DMKN: variants seen among roughly 807,000 people sequenced by gnomAD.
DMKN encodes the protein dermokine.
DMKN carries 58 observed loss-of-function variants against 67.6 expected under a neutral mutation model. That is an observed-to-expected ratio of 0.86 (90% CI 0.69 to 1.07). The LOEUF (loss-of-function observed/expected upper bound fraction) is 1.07, where lower values mean the gene tolerates loss of function less well. Ranked by LOEUF, DMKN falls within the 50% of genes least tolerant of loss-of-function variation. The pLI is 0.00. For synonymous variants in DMKN, 240 were observed against 232.3 expected, an observed-to-expected ratio of 1.03 and a Z score of -0.30; for missense variants, 596 against 601.5, an observed-to-expected ratio of 0.99 and a Z score of 0.10.
In DMKN at chr19:35,511,456, G is replaced by A. The variant is rs1568635841; in HGVS notation, c.873C>T (p.Gly291=). ...SSGGSSGGSS[G]NSGGSRGDSG... is the part of the protein sequence containing the mutation. ...TGTCACCTCTGCTGCCACCACTGTT[G>A]CCACTGCTGCCACCACTGCTGCCGC... The change falls in exon 5 of 16, where the codon GGC becomes GGT. Residue 291 remains glycine (G), a synonymous_variant. Transcript: ENST00000339686. The A allele has an allele frequency of 6.4e-7, 1 of 1,554,776 alleles. No individual in the cohort carries two copies. The highest frequency in any genetic ancestry group is 8.6e-7 in the Non-Finnish European group (1 of 1,159,776).
At chr19:35,510,487 G>A in intron 5 of DMKN, 2 of 1,550,906 alleles carry the variant, frequency 1.3e-6, no homozygotes, top group Non-Finnish European at 1.7e-6. Flanking sequence ...GAGAACCTGA[G>A]CTGCTGCCCA....
At chr19:35,502,350 ATGG>A (rs1411174449) in intron 10 of DMKN, among the ~76,000 whole-genome samples, 167 bp from the exon 11 acceptor site, 2 of 151,954 alleles carry the variant, frequency 1.3e-5, no homozygotes, top group African/African-American at 4.8e-5. Flanking sequence ...AGCACTTGAG[ATGG>A]TATTGGTGAT....
chr19:35,502,241 T>C, intron 10 of DMKN, 58 bp from the exon 11 acceptor site: 5 of 1,567,284 alleles, frequency 3.2e-6, no homozygotes, highest in African/African-American at 1.4e-5. Flanking sequence ...GGGTGGTCTA[T>C]GCAGCAAATT....
chr19:35,501,793 C>T, intron 11 of DMKN: 1 of 1,543,566 alleles, frequency 6.5e-7, no homozygotes, highest in Non-Finnish European at 8.8e-7. Context: ...AATACGATCT[C>T]CCCGCACCTG....
rs2070040661 is a variant in DMKN at position 35,508,500 on chromosome 19, C to T, written c.1038+1411G>A. On this transcript the variant is annotated intron_variant, in intron 7 of 15. Transcript: ENST00000339686. Reference sequence around the variant, plus strand: ...GCTACCATAAATAAAGCAGTCCTGTCCGACAGAATTCCCAGAAACTCCCCA... The same window carrying T: ...GCTACCATAAATAAAGCAGTCCTGTTCGACAGAATTCCCAGAAACTCCCCA... 4 of 343,094 alleles carry T rather than the reference C, an allele frequency of 1.2e-5. No individual in the cohort carries two copies. The Admixed American group carries it at 1.5e-4, about 12-fold the overall frequency. The allele number at this position is 343,094 out of a possible 1,614,324, so 21.3% of individuals were successfully genotyped here.
chr19:35,512,378 C>T (rs889403235), intron 3 of DMKN, 43 bp downstream of exon 3: 1 of 1,608,200 alleles, frequency 6.2e-7, no homozygotes, highest in African/African-American at 1.3e-5. Flanking sequence ...CTGTAGCCTG[C>T]ACCCAGTGGC....
intron 9 of DMKN, among the ~76,000 whole-genome samples, chr19:35,505,467 G>C (rs1333453658): frequency 6.6e-6 from 1 of 152,110 alleles, no homozygotes; most frequent in Admixed American, 6.6e-5. Context: ...GGACCTGCTC[G>C]GGTCTATATG....
At chr19:35,498,218 C>T (rs2067772387) in intron 15 of DMKN, 2 of 166,220 alleles carry the variant, frequency 1.2e-5, no homozygotes, top group Admixed American at 1.2e-4. Context: ...TCGCAGCAGC[C>T]TCAACCTCCC....
At position 35,500,690 on chromosome 19, in the gene DMKN, T is replaced by C. The variant is rs754064311; in HGVS notation, c.1240-110A>G. 7 of 1,257,280 alleles carry C rather than the reference T, an allele frequency of 5.6e-6. No individual in the cohort carries two copies. In the Admixed American group the frequency reaches 7.3e-5, roughly 13 times the overall value. The allele number at this position is 1,257,280 out of a possible 1,614,324, so 77.9% of individuals were successfully genotyped here. A position where few individuals can be genotyped will look rare whatever the true frequency, so the allele number is the denominator to read the frequency against. ...CCCACCCCTTTCCACGTGCTACCTA[T>C]AGAGAAGGCAGTGAGCCTGGAGGAG... is the stretch of plus-strand genomic sequence containing the variant. On this transcript the variant is annotated intron_variant, in intron 11 of 15. Transcript: ENST00000339686.
chr19:35,512,866 G>A (rs2071056691), intron 1 of DMKN, 76 bp from the exon 2 acceptor site: 1 of 1,538,306 alleles, frequency 6.5e-7, no homozygotes, highest in Non-Finnish European at 8.7e-7. Flanking sequence ...AAATCATAAA[G>A]AGACCAGGAG....
chr19:35,510,507 G>A (rs1273271738), intron 5 of DMKN: 6 of 1,547,440 alleles, frequency 3.9e-6, no homozygotes, highest in East Asian at 2.4e-5. Context: ...ACCGCAGGCC[G>A]GGGGTGGGAA....
intron 7 of DMKN, chr19:35,508,195 A>T (rs369259893): frequency 8.6e-5 from 134 of 1,552,040 alleles, no homozygotes; most frequent in Non-Finnish European, 1.1e-4. Context: ...CACATCTACC[A>T]TCCTCTTACC....
At chr19:35,499,461 G>A (rs1383518816) in intron 13 of DMKN, among the ~76,000 whole-genome samples, 2 of 152,156 alleles carry the variant, frequency 1.3e-5, no homozygotes, top group African/African-American at 4.8e-5. Context: ...AAATTCTCAC[G>A]TATTTTTTCT....
Position 35,502,600 on chromosome 19 carries a change from A to T in DMKN, c.1191+230T>A, listed in dbSNP as rs573632826. 1.6e-4 allele frequency among the ~76,000 whole-genome samples: 25 copies of T among 151,876 alleles called. No homozygotes were observed. The East Asian group carries it at 4.8e-3, about 29-fold the overall frequency. ...GCGCCTGTAGTCCCAGCTACTCGGG[A>T]GGCTGAGGCAGGAGAATGGCGTGAA... On this transcript the variant is annotated intron_variant, in intron 10 of 15. Coordinates refer to ENST00000339686, the MANE Select transcript of DMKN (RefSeq NM_033317.5).
chr19:35,510,152 C>T (rs1436884602), intron 6 of DMKN, 32 bp downstream of exon 6: 1 of 1,588,584 alleles, frequency 6.3e-7, no homozygotes, highest in Non-Finnish European at 8.6e-7. Context: ...TTCCTTCCCG[C>T]GGTTGGTGGG....
chr19:35,513,222 T>C lies in DMKN; in HGVS notation c.254A>G (p.Gln85Arg). The change falls in exon 1 of 16, where the codon CAG (glutamine) becomes CGG (arginine). Residue 85 changes from glutamine to arginine, a missense_variant. Physicochemically the swap from Gln to Arg is conservative, Grantham distance 43 (BLOSUM62 1). Transcript: ENST00000339686. The stretch of plus-strand genomic sequence containing the variant: ...ATCTGCTACGCCAAAGCCTGGAACC[T>C]GCCTGACTCCAGTGCCAACTGCTTC... ...TREAVGTGVR[Q>R]VPGFGVADAL... 6.2e-7 allele frequency: 1 copy of C among 1,614,242 alleles called. No individual in the cohort carries two copies. Among genetic ancestry groups the C allele is most frequent in the Non-Finnish European group, 8.5e-7 (1 of 1,180,034 alleles).
intron 9 of DMKN, among the ~76,000 whole-genome samples, chr19:35,504,162 ACTGGCAGGGTGTCTATC>A (rs377234348): frequency 1.3e-3 from 197 of 152,116 alleles, no homozygotes; most frequent in African/African-American, 4.7e-3. Flanking sequence ...GATGGGCAAA[ACTGGCAGGGTGTCTATC>A]CTGGCTCTCT....
At chr19:35,502,109 A>G (rs2145917268) in intron 11 of DMKN, 27 bp downstream of exon 11, 2 of 1,614,096 alleles carry the variant, frequency 1.2e-6, no homozygotes, top group South Asian at 2.2e-5. Flanking sequence ...CCTGTGTCCC[A>G]GAGCTGAGAA....
chr19:35,501,521 A>G (rs532024595), intron 11 of DMKN, among the ~76,000 whole-genome samples: 5 of 152,280 alleles, frequency 3.3e-5, no homozygotes, highest in Admixed American at 2.0e-4. Context: ...GTCCAGCCTC[A>G]TATACTTGGC....
Sources: gnomAD v4.1 joint callset for allele counts (sites outside exome capture counted in the v4.1 genomes callset) on GRCh38, gnomAD v4.1.1 for gene constraint, MANE v1.5 for transcripts, NCBI Gene and HGNC (gene_info 2026-07-23, HGNC 2026-07-21) for gene names.